Variants in GANC observed in about 807,000 individuals in gnomAD.
GANC encodes neutral alpha-glucosidase C.
A neutral mutation model predicts 124.2 loss-of-function variants in GANC; 117 were observed. The ratio of observed to expected loss-of-function variants is 0.94; its 90% confidence interval spans 0.81 to 1.10. The LOEUF (loss-of-function observed/expected upper bound fraction) is 1.10, where lower values mean the gene tolerates loss of function less well. Ranked by LOEUF, GANC falls within the 50% of genes least tolerant of loss-of-function variation. The pLI, the probability that GANC is intolerant of heterozygous loss-of-function variation, is 0.00. For missense variants in GANC, 1,140 were observed against 1,095.0 expected, an observed-to-expected ratio of 1.04 and a Z score of -0.58; for synonymous variants, 377 against 376.8, an observed-to-expected ratio of 1.00 and a Z score of -0.01.
chr15:42,303,682 A>AAAAG (rs1555413346), intron 6 of GANC, among the ~76,000 whole-genome samples: 14 of 151,372 alleles, frequency 9.2e-5, no homozygotes, highest in South Asian at 2.1e-4. Context: ...AAAAAAAAAA[A>AAAAG]AAAGAAAGCA....
At chr15:42,337,513 C>G (rs1566960513) in intron 15 of GANC, among the ~76,000 whole-genome samples, 1 of 152,002 alleles carries the variant, frequency 6.6e-6, no homozygotes, top group Non-Finnish European at 1.5e-5. Flanking sequence ...ATGATGAGAA[C>G]ACGTGGACAC....
At chr15:42,310,618 A>C (rs2052041497) in intron 9 of GANC, 75 bp from the exon 10 acceptor site, 1 of 1,553,620 alleles carries the variant, frequency 6.4e-7, no homozygotes, top group Non-Finnish European at 8.8e-7. Context: ...AAAGGATCAG[A>C]CTGTTACTTA....
At chr15:42,324,090 C>CAA (rs541820987) in intron 11 of GANC, among the ~76,000 whole-genome samples, 4 of 149,544 alleles carry the variant, frequency 2.7e-5, no homozygotes, top group Admixed American at 6.6e-5. Flanking sequence ...TCAGCAACAA[C>CAA]AAAAAAAAAC....
chr15:42,312,952 AAAAAAG>A (rs1224213284), intron 10 of GANC, among the ~76,000 whole-genome samples: 1 of 152,072 alleles, frequency 6.6e-6, no homozygotes, highest in Non-Finnish European at 1.5e-5. Context: ...AAAAAAAAAA[AAAAAAG>A]AACATGCTAC....
intron 3 of GANC, chr15:42,281,088 A>G (rs1024755078): frequency 1.4e-6 from 1 of 702,612 alleles, no homozygotes. Context: ...CGTAGCTCCC[A>G]AGACTGAGAA....
At chr15:42,320,629 A>G (rs1206451164) in intron 10 of GANC, among the ~76,000 whole-genome samples, 1 of 150,890 alleles carries the variant, frequency 6.6e-6, no homozygotes, top group Admixed American at 6.6e-5. Context: ...TTGTATTTTT[A>G]GTAGAGACGG....
intron 3 of GANC, among the ~76,000 whole-genome samples, chr15:42,282,217 A>T (rs2051740868): frequency 6.6e-6 from 1 of 152,158 alleles, no homozygotes; most frequent in Admixed American, 6.5e-5. Context: ...GCTACTCAGG[A>T]GGCTGAGGCA....
chr15:42,294,236 C>T (rs889214542), intron 5 of GANC, among the ~76,000 whole-genome samples: 1 of 151,236 alleles, frequency 6.6e-6, no homozygotes, highest in African/African-American at 2.5e-5. Flanking sequence ...TAAAGAATCT[C>T]CTTCCCCCTG....
chr15:42,284,723 C>T (rs2051770188), intron 3 of GANC, among the ~76,000 whole-genome samples: 1 of 152,116 alleles, frequency 6.6e-6, no homozygotes, highest in Non-Finnish European at 1.5e-5. Context: ...CACACTGTAA[C>T]CTCAAACTAC....
chr15:42,352,360 C>G lies in GANC; in HGVS notation c.*221C>G, dbSNP rs772304673. ...ACAATATTCCTTGTATCAAACATCT[C>G]CTTTTCTCCCTGATACATAGCCCTG... is the stretch of plus-strand genomic sequence containing the variant. On this transcript the variant is annotated 3_prime_UTR_variant, in exon 24 of 24. Coordinates refer to ENST00000318010, the MANE Select transcript of GANC (RefSeq NM_198141.3). 1.4e-5 allele frequency: 19 copies of G among 1,333,714 alleles called. No homozygotes were observed. The highest frequency in any genetic ancestry group is 1.8e-5 in the Non-Finnish European group (19 of 1,037,914). 82.6% of individuals were successfully genotyped at this position (1,333,714 alleles called of 1,614,324 possible). A position where few individuals can be genotyped will look rare whatever the true frequency, so the allele number is the denominator to read the frequency against.
Position 42,340,700 on chromosome 15 carries a change from G to C in GANC, c.2098G>C (p.Val700Leu). The change falls in exon 18 of 24, where the codon GTA (valine) becomes CTA (leucine). Residue 700 changes from valine to leucine, a missense_variant. Coordinates refer to ENST00000318010, the MANE Select transcript of GANC (RefSeq NM_198141.3). ...TTTTTCTTTCCCCAGGCCTCTGTGG[G>C]TAGAGTTCCCTGATGAACTAAAGAC... ...ASQPVMRPLW[V>L]EFPDELKTFD... is the part of the protein sequence containing the mutation. 6.2e-7 allele frequency: 1 copy of C among 1,606,218 alleles called. No individual in the cohort carries two copies. Among genetic ancestry groups the C allele is most frequent in the South Asian group, 1.1e-5 (1 of 89,948 alleles).
intron 10 of GANC, among the ~76,000 whole-genome samples, chr15:42,321,291 C>T (rs987033560): frequency 9.2e-5 from 14 of 152,160 alleles, no homozygotes; most frequent in Admixed American, 1.3e-4. Flanking sequence ...CAATCTGACC[C>T]TATTCAGTTT....
intron 7 of GANC, 50 bp from the exon 8 acceptor site, chr15:42,308,172 T>C (rs778280466): frequency 1.7e-6 from 2 of 1,195,600 alleles, no homozygotes; most frequent in Middle Eastern, 2.0e-4. Context: ...TGAATCTCCT[T>C]AAGTGAGTGT....
At chr15:42,338,018 C>T (rs910644823) in intron 15 of GANC, among the ~76,000 whole-genome samples, 2 of 151,820 alleles carry the variant, frequency 1.3e-5, no homozygotes, top group South Asian at 2.1e-4. Flanking sequence ...GCCGAGATCA[C>T]GGCACTGCAC....
At chr15:42,296,405 A>G (rs552587810) in intron 5 of GANC, among the ~76,000 whole-genome samples, 1 of 152,158 alleles carries the variant, frequency 6.6e-6, no homozygotes, top group South Asian at 2.1e-4. Context: ...TATTGTTTTA[A>G]GACGGAATTT....
chr15:42,276,235 G>C lies in GANC; in HGVS notation c.30-113G>C, dbSNP rs2051669875. On this transcript the variant is annotated intron_variant, in intron 1 of 23. Coordinates refer to ENST00000318010, the MANE Select transcript of GANC (RefSeq NM_198141.3). ...GGCCGTGACACAATTTTGCATTGCA[G>C]AATAGACTCCAAAGGTTTATTTTGC... is the stretch of plus-strand genomic sequence containing the variant. 9.6e-6 allele frequency: 6 copies of C among 626,186 alleles called. No homozygotes were observed. In the South Asian group the frequency reaches 1.0e-4, roughly 11 times the overall value. 38.8% of individuals were successfully genotyped at this position (626,186 alleles called of 1,614,324 possible).
At chr15:42,291,603 G>T (rs34373997) in intron 4 of GANC, among the ~76,000 whole-genome samples, 15,863 of 152,194 alleles carry the variant, frequency 0.1, 1,160 homozygotes, top group Non-Finnish European at 0.15. Context: ...GGAGATAATG[G>T]TGGGAAATGA....
In GANC at chr15:42,340,818, G is replaced by GTGCAGTGA. The variant is rs2052324646; in HGVS notation, c.2152+68_2152+75dup. ...GTCTCACTCTGTCACCTAGGCTGGA[G>GTGCAGTGA]TGCAGTGATGCTATCTCGGCTCACT... On this transcript the variant is annotated intron_variant, in intron 18 of 23. Coordinates refer to ENST00000318010, the MANE Select transcript of GANC (RefSeq NM_198141.3). The GTGCAGTGA allele has an allele frequency of 2.7e-5, 35 of 1,318,882 alleles. 2 individuals carry two copies. The South Asian group carries it at 4.1e-4, about 16-fold the overall frequency. The allele number at this position is 1,318,882 out of a possible 1,614,324, so 81.7% of individuals were successfully genotyped here.
At chr15:42,298,248 A>G (rs2051910572) in intron 6 of GANC, among the ~76,000 whole-genome samples, 3 of 152,240 alleles carry the variant, frequency 2.0e-5, no homozygotes, top group Non-Finnish European at 4.4e-5. Flanking sequence ...GAAATGGAAT[A>G]TGTATGCAAT....
Sources: gnomAD v4.1 joint callset for allele counts (sites outside exome capture counted in the v4.1 genomes callset) on GRCh38, gnomAD v4.1.1 for gene constraint, MANE v1.5 for transcripts, NCBI Gene and HGNC (gene_info 2026-07-23, HGNC 2026-07-21) for gene names.